The following KCTD16 variants were observed in gnomAD, a reference collection of about 807,000 sequenced individuals.
KCTD16 encodes the protein BTB/POZ domain-containing protein KCTD16.
A neutral mutation model predicts 33.2 loss-of-function variants in KCTD16; 13 were observed. That is an observed-to-expected ratio of 0.39 (90% CI 0.25 to 0.62). The LOEUF is 0.62. Ranked by LOEUF, KCTD16 falls within the 20% of genes least tolerant of loss-of-function variation. The probability of loss-of-function intolerance (pLI) is 0.50; values close to 1 mark genes in which losing one functional copy is unlikely to be tolerated. For synonymous variants in KCTD16, 197 were observed against 195.3 expected, an observed-to-expected ratio of 1.01 and a Z score of -0.07; for missense variants, 441 against 525.1, an observed-to-expected ratio of 0.84 and a Z score of 1.57.
chr5:144,467,127 C>T (rs993235487), intron 3 of KCTD16, among the ~76,000 whole-genome samples: 1 of 141,304 alleles, frequency 7.1e-6, no homozygotes, highest in African/African-American at 2.6e-5. Flanking sequence ...ATATATATTA[C>T]ATATACGTAA....
chr5:144,428,351 G>A (rs1414164299), intron 3 of KCTD16, among the ~76,000 whole-genome samples: 1 of 152,086 alleles, frequency 6.6e-6, no homozygotes, highest in Non-Finnish European at 1.5e-5. Flanking sequence ...CCAATTACAA[G>A]GCATTTGTCA....
intron 3 of KCTD16, among the ~76,000 whole-genome samples, chr5:144,319,212 A>G (rs1325138632): frequency 6.6e-6 from 1 of 152,100 alleles, no homozygotes; most frequent in African/African-American, 2.4e-5. Flanking sequence ...ATTATATTTG[A>G]TTCTCACTTT....
At chr5:144,397,483 C>T (rs974830731) in intron 3 of KCTD16, among the ~76,000 whole-genome samples, 3 of 151,998 alleles carry the variant, frequency 2.0e-5, no homozygotes, top group Non-Finnish European at 2.9e-5. Flanking sequence ...GTTCTAGATC[C>T]CTGAGGAATT....
intron 3 of KCTD16, among the ~76,000 whole-genome samples, chr5:144,216,601 T>C (rs1236707172): frequency 1.3e-5 from 2 of 152,016 alleles, no homozygotes; most frequent in East Asian, 1.9e-4. Context: ...CCCAGCACTT[T>C]GGGGGACTGA....
At chr5:144,321,310 G>T (rs1478719291) in intron 3 of KCTD16, among the ~76,000 whole-genome samples, 1 of 152,090 alleles carries the variant, frequency 6.6e-6, no homozygotes, top group Non-Finnish European at 1.5e-5. Context: ...ATCACCTAGG[G>T]TGTTAAAAAT....
chr5:144,419,421 C>T (rs1753159303), intron 3 of KCTD16, among the ~76,000 whole-genome samples: 1 of 152,128 alleles, frequency 6.6e-6, no homozygotes, highest in Non-Finnish European at 1.5e-5. Flanking sequence ...CCCTCCTGAA[C>T]CAGTAGAGCA....
chr5:144,199,949 A>G (rs1753012116), intron 2 of KCTD16, among the ~76,000 whole-genome samples: 2 of 151,914 alleles, frequency 1.3e-5, no homozygotes, highest in Non-Finnish European at 2.9e-5. Flanking sequence ...TCCTGATCTC[A>G]TGATCCGCCC....
At chr5:144,442,152 T>C (rs1218627554) in intron 3 of KCTD16, among the ~76,000 whole-genome samples, 3 of 152,154 alleles carry the variant, frequency 2.0e-5, no homozygotes, top group East Asian at 1.9e-4. Context: ...TATTGGTTTT[T>C]GTTACTGCCC....
intron 2 of KCTD16, among the ~76,000 whole-genome samples, chr5:144,179,113 G>C (rs1486750752): frequency 6.6e-6 from 1 of 152,224 alleles, no homozygotes; most frequent in African/African-American, 2.4e-5. Flanking sequence ...GCCAGGAGAA[G>C]TGAAGGTATG....
intron 3 of KCTD16, among the ~76,000 whole-genome samples, chr5:144,431,395 C>T (rs1390684281): frequency 2.6e-5 from 4 of 152,096 alleles, no homozygotes; most frequent in Non-Finnish European, 4.4e-5. Flanking sequence ...CTTGAATGAC[C>T]GACTTAAAGT....
At chr5:144,181,989 G>A (rs982470783) in intron 2 of KCTD16, among the ~76,000 whole-genome samples, 1 of 151,848 alleles carries the variant, frequency 6.6e-6, no homozygotes, top group Non-Finnish European at 1.5e-5. Flanking sequence ...AGCTACTTGG[G>A]AGGCTGAGTA....
intron 3 of KCTD16, among the ~76,000 whole-genome samples, chr5:144,337,086 C>G (rs554508850): frequency 6.6e-6 from 1 of 151,842 alleles, no homozygotes; most frequent in Admixed American, 6.6e-5. Context: ...GTCCTAGTAA[C>G]TACTACATAA....
At position 144,206,460 on chromosome 5, in the gene KCTD16, G is replaced by A; in HGVS notation, c.-255G>A. 1 of 417,538 alleles carries A rather than the reference G, an allele frequency of 2.4e-6. No individual in the cohort carries two copies. The highest frequency in any genetic ancestry group is 6.7e-5 in the South Asian group (1 of 14,832). The allele number at this position is 417,538 out of a possible 1,614,324, so 25.9% of individuals were successfully genotyped here. A position where few individuals can be genotyped will look rare whatever the true frequency, so the allele number is the denominator to read the frequency against. ...TTGATGGAAGATTGGATATAGACGA[G>A]TTGATTATATTTTATGAAGTAGCAG... On this transcript the variant is annotated 5_prime_UTR_variant, in exon 3 of 4. Transcript: ENST00000512467.
At chr5:144,372,247 C>T (rs1019953189) in intron 3 of KCTD16, among the ~76,000 whole-genome samples, 5 of 151,748 alleles carry the variant, frequency 3.3e-5, no homozygotes, top group Admixed American at 6.6e-5. Flanking sequence ...CAGTGGTACC[C>T]ATCTTATAAA....
At chr5:144,461,485 G>T (rs184744069) in intron 3 of KCTD16, among the ~76,000 whole-genome samples, 1 of 152,166 alleles carries the variant, frequency 6.6e-6, no homozygotes, top group Non-Finnish European at 1.5e-5. Context: ...CCTCCTGAGT[G>T]CTGTGGAATC....
intron 3 of KCTD16, among the ~76,000 whole-genome samples, chr5:144,472,985 C>T (rs900402170): frequency 6.6e-6 from 1 of 152,170 alleles, no homozygotes; most frequent in Non-Finnish European, 1.5e-5. Flanking sequence ...CAAACTCTGG[C>T]AAGTTTCTCA....
chr5:144,319,795 T>C (rs1194120979), intron 3 of KCTD16, among the ~76,000 whole-genome samples: 1 of 152,178 alleles, frequency 6.6e-6, no homozygotes, highest in Non-Finnish European at 1.5e-5. Context: ...AAAATGGCTC[T>C]GATAATCATC....
intron 3 of KCTD16, among the ~76,000 whole-genome samples, chr5:144,229,588 T>G (rs1754037288): frequency 6.6e-6 from 1 of 152,130 alleles, no homozygotes; most frequent in Admixed American, 6.5e-5. Flanking sequence ...TTGTCCACAT[T>G]TTAGAGAGAA....
rs370360568 is a variant in KCTD16 at position 144,454,393 on chromosome 5, T to C, written c.833-19267T>C. ...CAACTCTGTTTTCTCAGAAAGTATC[T>C]GTTTGTTATTACCAAGACTACACCA... On this transcript the variant is annotated intron_variant, in intron 3 of 3. Transcript: ENST00000512467. 6.6e-5 allele frequency among the ~76,000 whole-genome samples: 10 copies of C among 152,286 alleles called. 1 individual carries two copies. The highest frequency in any genetic ancestry group is 2.4e-4 in the African/African-American group (10 of 41,562).
Sources: gnomAD v4.1 joint callset for allele counts (sites outside exome capture counted in the v4.1 genomes callset) on GRCh38, gnomAD v4.1.1 for gene constraint, MANE v1.5 for transcripts, NCBI Gene and HGNC (gene_info 2026-07-23, HGNC 2026-07-21) for gene names.